SPIDR: variants seen among roughly 807,000 people sequenced by gnomAD.
SPIDR encodes scaffold protein involved in DNA repair.
Under a neutral mutation model 104.6 loss-of-function variants are expected in SPIDR, and 93 were observed. That is an observed-to-expected ratio of 0.89 (90% CI 0.75 to 1.06). The LOEUF (loss-of-function observed/expected upper bound fraction) is 1.06. Ranked by LOEUF, SPIDR falls within the 50% of genes least tolerant of loss-of-function variation. SPIDR has a pLI of 0.00. For missense variants in SPIDR, 1,154 were observed against 1,111.2 expected, an observed-to-expected ratio of 1.04 and a Z score of -0.55; for synonymous variants, 431 against 416.9, an observed-to-expected ratio of 1.03 and a Z score of -0.41.
At chr8:47,601,613 A>T (rs899849766) in intron 10 of SPIDR, among the ~76,000 whole-genome samples, 1 of 152,192 alleles carries the variant, frequency 6.6e-6, no homozygotes, top group African/African-American at 2.4e-5. Context: ...AGAATCGCTT[A>T]AACAGGGAGG....
intron 5 of SPIDR, among the ~76,000 whole-genome samples, chr8:47,359,167 AC>A (rs2055194446): frequency 6.7e-6 from 1 of 149,974 alleles, no homozygotes. Context: ...AATGGCGTGA[AC>A]CCGGGAAGCG....
intron 10 of SPIDR, 86 bp downstream of exon 10, chr8:47,599,282 C>T (rs993191622): frequency 1.2e-5 from 19 of 1,530,192 alleles, no homozygotes; most frequent in African/African-American, 2.7e-5. Flanking sequence ...TCTCAGAGCA[C>T]GTTCTTAGCT....
chr8:47,504,527 G>A (rs943908334), intron 8 of SPIDR, among the ~76,000 whole-genome samples: 2 of 152,082 alleles, frequency 1.3e-5, no homozygotes, highest in Non-Finnish European at 2.9e-5. Context: ...ATTCTAGTTA[G>A]CCATTCGTCT....
At chr8:47,343,819 G>A (rs192938216) in intron 5 of SPIDR, among the ~76,000 whole-genome samples, 1 of 152,202 alleles carries the variant, frequency 6.6e-6, no homozygotes, top group African/African-American at 2.4e-5. Flanking sequence ...AATACAGGGA[G>A]GATCAGGGAG....
intron 19 of SPIDR, among the ~76,000 whole-genome samples, chr8:47,734,227 G>A (rs1354261443): frequency 6.6e-6 from 1 of 152,176 alleles, no homozygotes; most frequent in Non-Finnish European, 1.5e-5. Flanking sequence ...CACAGCATGT[G>A]TGTGGATCCC....
intron 10 of SPIDR, among the ~76,000 whole-genome samples, chr8:47,642,908 A>T (rs1327303396): frequency 6.6e-6 from 1 of 152,188 alleles, no homozygotes; most frequent in Non-Finnish European, 1.5e-5. Context: ...ATAAATGGAA[A>T]AACAATGGGA....
chr8:47,506,616 A>T (rs186667049), intron 8 of SPIDR, among the ~76,000 whole-genome samples: 12 of 152,206 alleles, frequency 7.9e-5, no homozygotes, highest in Non-Finnish European at 1.6e-4. Flanking sequence ...AGAGAGGAAG[A>T]AGTATGCATA....
chr8:47,546,234 C>T (rs756214362), intron 8 of SPIDR, among the ~76,000 whole-genome samples: 13 of 151,598 alleles, frequency 8.6e-5, no homozygotes, highest in Non-Finnish European at 1.9e-4. Context: ...GTGTCTGAGC[C>T]TGGAGATACC....
At chr8:47,706,508 C>G (rs1195092196) in intron 14 of SPIDR, among the ~76,000 whole-genome samples, 1 of 152,202 alleles carries the variant, frequency 6.6e-6, no homozygotes, top group Non-Finnish European at 1.5e-5. Context: ...TGTGCGTGCA[C>G]TTCTTGCAGT....
At chr8:47,477,231 G>A (rs1002466891) in intron 8 of SPIDR, among the ~76,000 whole-genome samples, 2 of 151,570 alleles carry the variant, frequency 1.3e-5, no homozygotes, top group African/African-American at 2.4e-5. Flanking sequence ...ACAGAGTCTC[G>A]CTCTGTTGCC....
intron 5 of SPIDR, among the ~76,000 whole-genome samples, chr8:47,322,934 G>A (rs1554597445): frequency 6.6e-6 from 1 of 151,918 alleles, no homozygotes. Flanking sequence ...GCCGGGGCCT[G>A]TTGTCGGGTG....
chr8:47,439,622 G>A (rs1554694933), intron 7 of SPIDR, among the ~76,000 whole-genome samples: 1 of 152,068 alleles, frequency 6.6e-6, no homozygotes, highest in African/African-American at 2.4e-5. Flanking sequence ...AGATTTCTGG[G>A]GTATAGGCTA....
In SPIDR at chr8:47,294,640, A is replaced by G. The variant is rs375675539; in HGVS notation, c.525+610A>G. On this transcript the variant is annotated intron_variant, in intron 5 of 19. Transcript: ENST00000297423. ...AAAGGATAGAAATCTATTTTTATTT[A>G]TTTATTTAGAGACAGGGTCTTGCTG... Among the ~76,000 whole-genome samples, 115 of 152,132 alleles carry G rather than the reference A, an allele frequency of 7.6e-4. 2 individuals carry two copies. The East Asian group carries it at 0.02, about 27-fold the overall frequency.
intron 5 of SPIDR, among the ~76,000 whole-genome samples, chr8:47,306,154 T>G (rs1473581018): frequency 1.3e-5 from 2 of 152,228 alleles, no homozygotes; most frequent in Non-Finnish European, 2.9e-5. Context: ...TTTATTTTTA[T>G]TTTTTGAGAT....
At chr8:47,644,602 T>G (rs2069924164) in intron 10 of SPIDR, among the ~76,000 whole-genome samples, 1 of 152,244 alleles carries the variant, frequency 6.6e-6, no homozygotes, top group African/African-American at 2.4e-5. Flanking sequence ...TATACTTTAC[T>G]TTTCTCATTT....
intron 6 of SPIDR, 101 bp from the exon 7 acceptor site, chr8:47,407,760 T>TA (rs1335406672): frequency 5.2e-6 from 3 of 575,086 alleles, no homozygotes; most frequent in Non-Finnish European, 5.9e-6. Context: ...TTGCATGTTT[T>TA]ATCTGTTTGT....
At chr8:47,625,189 C>T (rs1459287124) in intron 10 of SPIDR, among the ~76,000 whole-genome samples, 1 of 152,180 alleles carries the variant, frequency 6.6e-6, no homozygotes, top group East Asian at 1.9e-4. Flanking sequence ...ATTCAACAAC[C>T]TTCATGCTAA....
intron 5 of SPIDR, among the ~76,000 whole-genome samples, chr8:47,394,660 A>G (rs1355283864): frequency 1.3e-5 from 2 of 152,206 alleles, no homozygotes; most frequent in Admixed American, 1.3e-4. Flanking sequence ...CTGTAGGACA[A>G]AGGGCAAAAT....
intron 7 of SPIDR, among the ~76,000 whole-genome samples, chr8:47,409,079 G>A (rs1472225475): frequency 3.9e-5 from 6 of 152,106 alleles, no homozygotes; most frequent in Admixed American, 1.3e-4. Context: ...CCAGCTACAC[G>A]GGAGGCTGAG....
Sources: gnomAD v4.1 joint callset for allele counts (sites outside exome capture counted in the v4.1 genomes callset) on GRCh38, gnomAD v4.1.1 for gene constraint, MANE v1.5 for transcripts, NCBI Gene and HGNC (gene_info 2026-07-23, HGNC 2026-07-21) for gene names.